The following SLC35B4 variants were observed in gnomAD, a reference collection of about 807,000 sequenced individuals.
SLC35B4 encodes the protein nucleotide sugar transporter SLC35B4.
SLC35B4 carries 28 observed loss-of-function variants against 39.5 expected under a neutral mutation model. The observed-to-expected ratio is 0.71, with a 90% CI of 0.53 to 0.97. SLC35B4 has a LOEUF of 0.97. Among genes scored for constraint, SLC35B4 ranks in the 50% least tolerant of loss-of-function variants. The probability of loss-of-function intolerance (pLI) is 0.00; values close to 1 mark genes in which losing one functional copy is unlikely to be tolerated. For missense variants in SLC35B4, 334 were observed against 414.3 expected (o/e 0.81, Z 1.68); for synonymous variants, 145 against 150.4 (o/e 0.96, Z 0.26).
intron 1 of SLC35B4, among the ~76,000 whole-genome samples, chr7:134,313,339 C>T (rs1175471360): frequency 2.0e-5 from 3 of 152,108 alleles, no homozygotes; most frequent in African/African-American, 4.8e-5. Flanking sequence ...TCGTTTATGC[C>T]GTTTGCATTT....
chr7:134,298,622 T>C (rs116608934), intron 8 of SLC35B4, among the ~76,000 whole-genome samples: 79 of 152,348 alleles, frequency 5.2e-4, no homozygotes, highest in African/African-American at 1.6e-3. Flanking sequence ...TGTGTTAATA[T>C]GAAGAAATGA....
chr7:134,307,902 A>G (rs1466474110), intron 2 of SLC35B4, among the ~76,000 whole-genome samples: 1 of 152,228 alleles, frequency 6.6e-6, no homozygotes, highest in Admixed American at 6.5e-5. Flanking sequence ...TCTAAATAAT[A>G]TACTATCAGC....
chr7:134,306,699 G>T lies in SLC35B4; in HGVS notation c.267C>A (p.Ala89=). 3 of 1,613,976 alleles carry T rather than the reference G, an allele frequency of 1.9e-6. No individual in the cohort carries two copies. The highest frequency in any genetic ancestry group is 2.5e-6 in the Non-Finnish European group (3 of 1,179,962). Residue 89 remains alanine, a synonymous_variant, in exon 3 of 10, where the codon GCC becomes GCA. Coordinates refer to ENST00000378509, the MANE Select transcript of SLC35B4 (RefSeq NM_032826.5). ...VNNYALNLNI[A]MPLHMIFRSG... ...ATCTAAATATCATATGCAGGGGCAT[G>T]GCAATGTTGAGATTCAGGGCATAGT...
chr7:134,316,517 C>G (rs1451160155), intron 1 of SLC35B4, among the ~76,000 whole-genome samples, 158 bp downstream of exon 1: 1 of 152,220 alleles, frequency 6.6e-6, no homozygotes, highest in Non-Finnish European at 1.5e-5. Flanking sequence ...CCAGGCTGCC[C>G]AGACAGGACG....
At chr7:134,319,712 T>C (rs1417865046), upstream of SLC35B4, among the ~76,000 whole-genome samples, 1 of 152,238 alleles carries the variant, frequency 6.6e-6, no homozygotes, top group African/African-American at 2.4e-5. Flanking sequence ...CATTAGGGCA[T>C]ACACATTTCA....
At chr7:134,305,502 G>A (rs1332009384) in intron 3 of SLC35B4, among the ~76,000 whole-genome samples, 3 of 152,010 alleles carry the variant, frequency 2.0e-5, no homozygotes, top group Non-Finnish European at 4.4e-5. Context: ...GTGGACCCAC[G>A]TGGTTTAAAC....
intron 7 of SLC35B4, among the ~76,000 whole-genome samples, chr7:134,299,931 A>C (rs2075373): frequency 0.48 from 73,679 of 151,986 alleles, 18,185 homozygotes; most frequent in Admixed American, 0.55. Context: ...AAATATGCAG[A>C]CACAATTTAA....
At chr7:134,316,492 G>A (rs1474198483) in intron 1 of SLC35B4, among the ~76,000 whole-genome samples, 183 bp downstream of exon 1, 2 of 152,256 alleles carry the variant, frequency 1.3e-5, no homozygotes, top group Admixed American at 1.3e-4. Flanking sequence ...GGGAAGCAGC[G>A]GACTCAGCGG....
chr7:134,295,174 T>G (rs1803434104), intron 9 of SLC35B4, 95 bp from the exon 10 acceptor site: 3 of 1,497,028 alleles, frequency 2.0e-6, no homozygotes, highest in Non-Finnish European at 2.7e-6. Context: ...ACTTCTCATA[T>G]TCTAAGAAAA....
intron 2 of SLC35B4, among the ~76,000 whole-genome samples, chr7:134,307,202 C>T (rs1272102339): frequency 6.6e-6 from 1 of 152,140 alleles, no homozygotes; most frequent in African/African-American, 2.4e-5. Flanking sequence ...CTAGCAGCTG[C>T]TAAAATTCTC....
At chr7:134,308,702 G>T (rs1803767548) in intron 2 of SLC35B4, among the ~76,000 whole-genome samples, 1 of 152,134 alleles carries the variant, frequency 6.6e-6, no homozygotes, top group Admixed American at 6.5e-5. Context: ...CAACTGGATG[G>T]ATTACACTTT....
At chr7:134,296,284 C>A in intron 9 of SLC35B4, 107 bp downstream of exon 9, 2 of 1,017,824 alleles carry the variant, frequency 2.0e-6, no homozygotes, top group Admixed American at 2.1e-5. Flanking sequence ...ATAAATCCAG[C>A]GAAAATCATA....
chr7:134,301,945 A>C (rs1292129758), intron 5 of SLC35B4, 84 bp downstream of exon 5: 1 of 1,524,870 alleles, frequency 6.6e-7, no homozygotes, highest in Non-Finnish European at 9.0e-7. Context: ...TTTGTATTAC[A>C]TAAAAATTTG....
At chr7:134,306,531 C>T (rs1803713218) in intron 3 of SLC35B4, 141 bp downstream of exon 3, 1 of 530,068 alleles carries the variant, frequency 1.9e-6, no homozygotes, top group Non-Finnish European at 3.2e-6. Flanking sequence ...ATGAAAGCCA[C>T]CCTTGCTCAC....
intron 4 of SLC35B4, among the ~76,000 whole-genome samples, chr7:134,303,285 A>AC (rs1261056715): frequency 6.6e-6 from 1 of 152,142 alleles, no homozygotes; most frequent in Non-Finnish European, 1.5e-5. Flanking sequence ...CTTGAGAAAG[A>AC]CCCGTAACAT....
rs547839358 is a variant in SLC35B4, at chr7:134,306,918, C to CA, written c.192-145_192-144insT. ...TTGCATCACTATTATGCCATGTCAA[C>CA]TACTAAGTACATATCAAAACGCTTC... is the stretch of plus-strand genomic sequence containing the variant. On this transcript the variant is annotated intron_variant, in intron 2 of 9. Transcript: ENST00000378509. 2.3e-4 allele frequency: 125 copies of CA among 547,522 alleles called. 1 individual carries two copies. The South Asian group carries it at 3.6e-3, about 16-fold the overall frequency. 33.9% of individuals were successfully genotyped at this position (547,522 alleles called of 1,614,324 possible). A position where few individuals can be genotyped will look rare whatever the true frequency, so the allele number is the denominator to read the frequency against.
At chr7:134,308,962 T>C (rs1229145636) in intron 2 of SLC35B4, among the ~76,000 whole-genome samples, 1 of 151,830 alleles carries the variant, frequency 6.6e-6, no homozygotes, top group Non-Finnish European at 1.5e-5. Context: ...TTCACAAAGT[T>C]ATGTAACTAC....
chr7:134,302,671 T>G (rs1803611882), intron 4 of SLC35B4, among the ~76,000 whole-genome samples: 2 of 152,164 alleles, frequency 1.3e-5, no homozygotes, highest in African/African-American at 4.8e-5. Context: ...ATATTCAGAT[T>G]ATAGAACTAT....
intron 9 of SLC35B4, 131 bp from the exon 10 acceptor site, chr7:134,295,210 G>A: frequency 8.3e-7 from 1 of 1,207,246 alleles, no homozygotes; most frequent in Non-Finnish European, 1.2e-6. Flanking sequence ...CGGCAGCTCT[G>A]AGGCTCCTCC....
Sources: gnomAD v4.1 joint callset for allele counts (sites outside exome capture counted in the v4.1 genomes callset) on GRCh38, gnomAD v4.1.1 for gene constraint, MANE v1.5 for transcripts, NCBI Gene and HGNC (gene_info 2026-07-23, HGNC 2026-07-21) for gene names.